The following SCN10A variants were observed in gnomAD, a reference collection of about 807,000 sequenced individuals.
SCN10A encodes the protein sodium voltage-gated channel alpha subunit 10.
In SCN10A, 162 loss-of-function variants were observed where a neutral mutation model predicts 170.7. That is an observed-to-expected ratio of 0.95 (90% CI 0.84 to 1.08). SCN10A has a LOEUF of 1.08. SCN10A is among the 50% of genes least tolerant of loss of function. The pLI, the probability that SCN10A is intolerant of heterozygous loss-of-function variation, is 0.00. For synonymous variants in SCN10A, 985 were observed against 904.6 expected, an observed-to-expected ratio of 1.09 and a Z score of -1.59; for missense variants, 2,527 against 2,436.9, an observed-to-expected ratio of 1.04 and a Z score of -0.78.
intron 15 of SCN10A, among the ~76,000 whole-genome samples, chr3:38,729,250 G>GGGCTC (rs1269713354): frequency 6.6e-6 from 1 of 152,064 alleles, no homozygotes; most frequent in Non-Finnish European, 1.5e-5. Flanking sequence ...GGGTGTGATG[G>GGGCTC]GGCTCACAAA....
chr3:38,726,606 C>T lies in SCN10A; in HGVS notation c.3087G>A (p.Gln1029=). 6.3e-7 allele frequency: 1 copy of T among 1,576,036 alleles called. No homozygotes were observed. The highest frequency in any genetic ancestry group is 8.7e-7 in the Non-Finnish European group (1 of 1,154,628). The change falls in exon 17 of 28, where the codon CAG becomes CAA. Residue 1029 remains glutamine (Q), a splice_region_variant and synonymous_variant. Transcript: ENST00000449082. The stretch of plus-strand genomic sequence containing the variant: ...GCTGTCCCTTGGGGATAACTCTTAC[C>T]TGTCCTTTGGGGATCACTTCCTGCT... The part of the protein sequence containing the change: ...SFQQEVIPKG[Q]QEQLQQVERC...
Position 38,742,482 on chromosome 3 carries a change from ACAAGCTGGT to A in SCN10A, c.1906_1914del (p.Thr636_Leu638del). On this transcript the variant is annotated inframe_deletion, in exon 14 of 28. Transcript: ENST00000449082. ...CAATCCCAGATCAGATACTTCTGAGACAAGCTGGTCAAGCAGGGTGGGCACTTCTGTTCA... is the reference window on the plus strand; with the variant it reads ...CAATCCCAGATCAGATACTTCTGAGACAAGCAGGGTGGGCACTTCTGTTCA... 1 of 1,614,186 alleles carries A rather than the reference ACAAGCTGGT, an allele frequency of 6.2e-7. No individual in the cohort carries two copies. Among genetic ancestry groups the A allele is most frequent in the Non-Finnish European group, 8.5e-7 (1 of 1,180,020 alleles).
At chr3:38,741,289 AACACAC>A (rs60874265) in intron 14 of SCN10A, among the ~76,000 whole-genome samples, 4,871 of 146,748 alleles carry the variant, frequency 0.033, 213 homozygotes, top group East Asian at 0.24. Flanking sequence ...CGTGTGTTTG[AACACAC>A]ACACACACAC....
intron 4 of SCN10A, among the ~76,000 whole-genome samples, chr3:38,777,697 A>T (rs546745005): frequency 2.6e-5 from 4 of 152,222 alleles, no homozygotes; most frequent in African/African-American, 9.6e-5. Flanking sequence ...AAATCTTACT[A>T]TAGAGCATTT....
chr3:38,711,104 A>G (rs2063269027), intron 23 of SCN10A, among the ~76,000 whole-genome samples: 1 of 152,248 alleles, frequency 6.6e-6, no homozygotes, highest in Admixed American at 6.5e-5. Context: ...GTTTAAGAAT[A>G]GAGTAGCATT....
chr3:38,756,737 A>G lies in SCN10A; in HGVS notation c.1227T>C (p.Asp409=). 1 of 1,614,112 alleles carries G rather than the reference A, an allele frequency of 6.2e-7. No individual in the cohort carries two copies. The highest frequency in any genetic ancestry group is 8.5e-7 in the Non-Finnish European group (1 of 1,180,016). The change falls in exon 10 of 28, where the codon GAT becomes GAC. Residue 409 remains aspartate, a synonymous_variant. Coordinates refer to ENST00000449082, the MANE Select transcript of SCN10A (RefSeq NM_006514.4). ...ACTTCTTCTCCTTTGCTTCAATTTC[A>G]TCAGTGGTTGCCTGGTTCTGCTCCT... ...AYEEQNQATT[D]EIEAKEKKFQ...
chr3:38,771,477 G>C (rs2063999804), intron 4 of SCN10A, 70 bp from the exon 5 acceptor site: 1 of 1,538,706 alleles, frequency 6.5e-7, no homozygotes, highest in Middle Eastern at 1.7e-4. Context: ...CTTCTTCCAG[G>C]AGGGAGGGAT....
intron 6 of SCN10A, among the ~76,000 whole-genome samples, chr3:38,762,028 A>C (rs1449592809): frequency 6.6e-6 from 1 of 152,234 alleles, no homozygotes; most frequent in Non-Finnish European, 1.5e-5. Context: ...AACTTGTGCC[A>C]AGCACAGCTG....
chr3:38,770,673 C>T (rs1213871428), intron 5 of SCN10A, among the ~76,000 whole-genome samples: 1 of 152,080 alleles, frequency 6.6e-6, no homozygotes, highest in Non-Finnish European at 1.5e-5. Flanking sequence ...GGACCGCATC[C>T]CTCACTGTCT....
At position 38,712,254 on chromosome 3, in the gene SCN10A, G is replaced by A; in HGVS notation, c.3996C>T (p.Cys1332=). Residue 1332 remains cysteine (C), a synonymous_variant, in exon 23 of 28, where the codon TGC becomes TGT. Coordinates refer to ENST00000449082, the MANE Select transcript of SCN10A (RefSeq NM_006514.4). ...AGCTGCCAGTGGAGTTTTGAATCTT[G>A]CAGTCAGACTTGTTATTCACAATCG... is the stretch of plus-strand genomic sequence containing the variant. ...PLSIVNNKSD[C]KIQNSTGSFF... 2 of 1,614,112 alleles carry A rather than the reference G, an allele frequency of 1.2e-6. No homozygotes were observed. Among genetic ancestry groups the A allele is most frequent in the Non-Finnish European group, 8.5e-7 (1 of 1,179,972 alleles).
At chr3:38,725,753 A>T (rs2063447606) in intron 17 of SCN10A, among the ~76,000 whole-genome samples, 1 of 152,264 alleles carries the variant, frequency 6.6e-6, no homozygotes, top group African/African-American at 2.4e-5. Flanking sequence ...GGAGCTCCCT[A>T]AGAGCCCCAA....
At chr3:38,729,478 C>G (rs549658115) in intron 15 of SCN10A, among the ~76,000 whole-genome samples, 1 of 152,128 alleles carries the variant, frequency 6.6e-6, no homozygotes, top group East Asian at 1.9e-4. Flanking sequence ...GACCAACGAA[C>G]CTACCCCCCA....
chr3:38,699,106 A>G (rs2125980918), intron 27 of SCN10A, among the ~76,000 whole-genome samples: 1 of 151,880 alleles, frequency 6.6e-6, no homozygotes, highest in Non-Finnish European at 1.5e-5. Context: ...GCCTGGTGTT[A>G]ATTACAAGGG....
chr3:38,786,212 A>G (rs2064199709), intron 4 of SCN10A, among the ~76,000 whole-genome samples: 1 of 152,198 alleles, frequency 6.6e-6, no homozygotes, highest in South Asian at 2.1e-4. Context: ...ACAATAGCAA[A>G]GACTTGGAAC....
At chr3:38,807,983 CT>C (rs1325285527) in intron 1 of SCN10A, among the ~76,000 whole-genome samples, 1 of 152,148 alleles carries the variant, frequency 6.6e-6, no homozygotes, top group African/African-American at 2.4e-5. Context: ...TCTTTTAAAA[CT>C]GCAAATCTGA....
chr3:38,771,158 C>G, intron 5 of SCN10A, 121 bp downstream of exon 5: 2 of 1,071,944 alleles, frequency 1.9e-6, no homozygotes, highest in Non-Finnish European at 2.7e-6. Flanking sequence ...TTGGAGCAAA[C>G]GTTCATGGTG....
chr3:38,773,965 G>A (rs1028883985), intron 4 of SCN10A, among the ~76,000 whole-genome samples: 1 of 152,132 alleles, frequency 6.6e-6, no homozygotes, highest in African/African-American at 2.4e-5. Flanking sequence ...AAAGCTAAAA[G>A]TGGTGGCCTC....
chr3:38,698,380 G>A lies in SCN10A; in HGVS notation c.4840C>T (p.Leu1614=), dbSNP rs753017550. ...LPALFNIGLL[L]FLVMFIYSIF... is the part of the protein sequence containing the mutation. ...GAGTAGATGAACATGACAAGGAATA[G>A]CAACAGCCCGATGTTGAAGAGGGCA... The change falls in exon 28 of 28, where the codon CTA becomes TTA. Residue 1614 remains leucine, a synonymous_variant. Coordinates refer to ENST00000449082, the MANE Select transcript of SCN10A (RefSeq NM_006514.4). 6.2e-7 allele frequency: 1 copy of A among 1,614,176 alleles called. No homozygotes were observed. Among genetic ancestry groups the A allele is most frequent in the South Asian group, 1.1e-5 (1 of 91,076 alleles).
chr3:38,755,417 C>T (rs1004642304), intron 11 of SCN10A, among the ~76,000 whole-genome samples: 3 of 151,450 alleles, frequency 2.0e-5, no homozygotes, highest in Admixed American at 6.6e-5. Context: ...TTGGCATGTT[C>T]AGTATGGGCT....
Sources: allele counts gnomAD v4.1 joint callset (sites outside exome capture counted in the v4.1 genomes callset), GRCh38; gene constraint gnomAD v4.1.1; transcripts MANE v1.5; gene names NCBI Gene and HGNC (gene_info 2026-07-23, HGNC 2026-07-21).